MAD1L1: variants seen among roughly 807,000 people sequenced by gnomAD.
The protein encoded by MAD1L1 is mitotic spindle assembly checkpoint protein MAD1.
Under a neutral mutation model 96.9 loss-of-function variants are expected in MAD1L1, and 95 were observed. That is an observed-to-expected ratio of 0.98 (90% CI 0.83 to 1.16). The LOEUF (loss-of-function observed/expected upper bound fraction) is 1.16, where lower values mean the gene tolerates loss of function less well. MAD1L1 is among the 50% of genes most tolerant of loss of function. The pLI is 0.00. For synonymous variants in MAD1L1, 473 were observed against 396.6 expected, an observed-to-expected ratio of 1.19 and a Z score of -2.29; for missense variants, 1,007 against 954.4, an observed-to-expected ratio of 1.06 and a Z score of -0.73.
chr7:1,896,128 T>C (rs1359889368), intron 18 of MAD1L1, among the ~76,000 whole-genome samples: 2 of 152,184 alleles, frequency 1.3e-5, no homozygotes, highest in African/African-American at 2.4e-5. Context: ...TCTGTCCGCC[T>C]GCCTCCTCCT....
chr7:2,109,908 G>A (rs551151447), intron 11 of MAD1L1, among the ~76,000 whole-genome samples: 30 of 152,342 alleles, frequency 2.0e-4, no homozygotes, highest in Admixed American at 4.6e-4. Flanking sequence ...AGAAGTCTGA[G>A]AGTTGGCGAC....
At chr7:1,902,714 C>A (rs930561782) in intron 17 of MAD1L1, among the ~76,000 whole-genome samples, 4 of 152,248 alleles carry the variant, frequency 2.6e-5, no homozygotes, top group African/African-American at 9.6e-5. Flanking sequence ...GTACGTCCTG[C>A]AGTGGGAAGG....
intron 11 of MAD1L1, among the ~76,000 whole-genome samples, chr7:2,072,239 G>A (rs1785166840): frequency 6.6e-6 from 1 of 152,172 alleles, no homozygotes. Flanking sequence ...GGTGTCCCAG[G>A]CAGAACCAAC....
rs180892455 is a variant in MAD1L1 at position 2,164,482 on chromosome 7, G to A, written c.987-15244C>T. Among the ~76,000 whole-genome samples, 224 of 151,750 alleles carry A rather than the reference G, an allele frequency of 1.5e-3. 3 individuals are homozygous for A. In the South Asian group the frequency reaches 0.015, roughly 10 times the overall value. ...TTGCTGGTGCCCACGCCCATCGCCC[G>A]AGCAGGGGCAGACGGCATGCCTATC... is the stretch of plus-strand genomic sequence containing the variant. On this transcript the variant is annotated intron_variant, in intron 10 of 18. Transcript: ENST00000265854.
chr7:2,201,665 A>G (rs1229869392), intron 10 of MAD1L1, among the ~76,000 whole-genome samples: 1 of 152,232 alleles, frequency 6.6e-6, no homozygotes, highest in Non-Finnish European at 1.5e-5. Context: ...GAGCTCCGAG[A>G]CCAAGTGATA....
intron 18 of MAD1L1, chr7:1,854,465 C>A: frequency 2.5e-5 from 11 of 432,830 alleles, no homozygotes; most frequent in South Asian, 1.6e-4. Context: ...CAGGGTAAGG[C>A]ACAGGCAGAC....
chr7:1,919,491 C>T (rs1390680288), intron 17 of MAD1L1, among the ~76,000 whole-genome samples: 1 of 152,228 alleles, frequency 6.6e-6, no homozygotes, highest in East Asian at 1.9e-4. Context: ...GAGGACCGCA[C>T]TGGGGAATGG....
chr7:1,842,511 G>A (rs955576005), intron 18 of MAD1L1, among the ~76,000 whole-genome samples: 3 of 152,270 alleles, frequency 2.0e-5, no homozygotes, highest in Admixed American at 2.0e-4. Context: ...GCGCATGCCT[G>A]CCTGAGCTGC....
At chr7:1,899,072 C>T (rs559064476) in intron 17 of MAD1L1, among the ~76,000 whole-genome samples, 4 of 152,310 alleles carry the variant, frequency 2.6e-5, no homozygotes, top group African/African-American at 7.2e-5. Flanking sequence ...AGACGACAGC[C>T]GGCACCCCCA....
intron 18 of MAD1L1, among the ~76,000 whole-genome samples, chr7:1,867,466 A>G (rs1046519240): frequency 3.3e-5 from 5 of 152,238 alleles, no homozygotes; most frequent in Admixed American, 3.3e-4. Flanking sequence ...GAATTGGGAC[A>G]GATCTGGCCC....
At chr7:1,887,897 GT>G (rs1786221565) in intron 18 of MAD1L1, among the ~76,000 whole-genome samples, 5 of 151,744 alleles carry the variant, frequency 3.3e-5, no homozygotes, top group Admixed American at 6.6e-5. Flanking sequence ...GTGGCTGCCT[GT>G]GCATGTGTGT....
chr7:1,861,261 G>C (rs115674202), intron 18 of MAD1L1, among the ~76,000 whole-genome samples: 1 of 152,188 alleles, frequency 6.6e-6, no homozygotes, highest in Non-Finnish European at 1.5e-5. Context: ...GGCTGAGACC[G>C]GGCTGGTCCC....
intron 11 of MAD1L1, among the ~76,000 whole-genome samples, chr7:2,127,502 C>T (rs1168728476): frequency 2.0e-5 from 3 of 152,062 alleles, no homozygotes; most frequent in African/African-American, 2.4e-5. Flanking sequence ...CACGGGGGAG[C>T]GGGCCCGACC....
chr7:1,888,455 C>G (rs960597046), intron 18 of MAD1L1, among the ~76,000 whole-genome samples: 1 of 121,560 alleles, frequency 8.2e-6, no homozygotes, highest in Non-Finnish European at 1.7e-5. Flanking sequence ...TGTGTGTGCA[C>G]GCATGTATGT....
At chr7:1,922,213 C>A (rs1788835604) in intron 17 of MAD1L1, among the ~76,000 whole-genome samples, 1 of 152,238 alleles carries the variant, frequency 6.6e-6, no homozygotes, top group African/African-American at 2.4e-5. Context: ...CTGCGAGAGA[C>A]ATGCAGCTGG....
intron 11 of MAD1L1, among the ~76,000 whole-genome samples, chr7:2,111,291 C>A (rs1364107589): frequency 3.9e-5 from 6 of 152,202 alleles, no homozygotes; most frequent in African/African-American, 1.4e-4. Flanking sequence ...CCTCCATGCA[C>A]CCCTCCACCT....
At chr7:1,874,638 A>C in intron 18 of MAD1L1, 1 of 426,494 alleles carries the variant, frequency 2.3e-6, no homozygotes, top group Non-Finnish European at 4.7e-6. Flanking sequence ...TGGTGGGCTT[A>C]GGAATTGACC....
chr7:2,180,877 G>A (rs1235558815), intron 10 of MAD1L1, among the ~76,000 whole-genome samples: 3 of 152,118 alleles, frequency 2.0e-5, no homozygotes, highest in African/African-American at 7.2e-5. Context: ...CAATCTGGAT[G>A]TCTTCTATTT....
At chr7:1,856,302 C>T (rs1784247738) in intron 18 of MAD1L1, among the ~76,000 whole-genome samples, 1 of 152,216 alleles carries the variant, frequency 6.6e-6, no homozygotes, top group Non-Finnish European at 1.5e-5. Flanking sequence ...CATCTCGCTT[C>T]GGTTCTGGCT....
Sources: gnomAD v4.1 joint callset for allele counts (sites outside exome capture counted in the v4.1 genomes callset) on GRCh38, gnomAD v4.1.1 for gene constraint, MANE v1.5 for transcripts, NCBI Gene and HGNC (gene_info 2026-07-23, HGNC 2026-07-21) for gene names.